ZNF518A: variants seen among roughly 807,000 people sequenced by gnomAD.
ZNF518A encodes zinc finger protein 518A.
In ZNF518A, 47 loss-of-function variants were observed where a neutral mutation model predicts 102.7. The observed-to-expected ratio is 0.46, with a 90% CI of 0.36 to 0.58. The LOEUF is 0.58. Ranked by LOEUF, ZNF518A falls within the 20% of genes least tolerant of loss-of-function variation. ZNF518A has a pLI of 0.00. For missense variants in ZNF518A, 1,793 were observed against 1,699.8 expected, an observed-to-expected ratio of 1.05 and a Z score of -0.96; for synonymous variants, 652 against 594.6, an observed-to-expected ratio of 1.10 and a Z score of -1.40.
chr10:96,167,932 CTGTTT>C (rs2083151838), downstream of ZNF518A, among the ~76,000 whole-genome samples: 1 of 152,198 alleles, frequency 6.6e-6, no homozygotes, highest in African/African-American at 2.4e-5. Context: ...TAAAACAAGT[CTGTTT>C]TATCTGTTTC....
At chr10:96,204,454 A>G, downstream of ZNF518A, 1 of 1,408,648 alleles carries the variant, frequency 7.1e-7, no homozygotes, top group Non-Finnish European at 1.0e-6. Context: ...AGTCAGTGTC[A>G]CTGTGCAGTG....
Position 96,160,119 on chromosome 10 carries a change from C to G in ZNF518A, c.3797C>G (p.Ser1266Cys). The G allele has an allele frequency of 3.7e-6, 6 of 1,610,960 alleles. No individual in the cohort carries two copies. Among genetic ancestry groups the G allele is most frequent in the Non-Finnish European group, 5.1e-6 (6 of 1,179,014 alleles). ...ACAAAAACTCATGGAAGTAAAGACT[C>G]TGAAACTGCCTTTGTATCTAGAAAC... ...SKTKTHGSKD[S>C]ETAFVSRNRN... Residue 1266 changes from serine (S) to cysteine (C), a missense_variant, in exon 6 of 6, where the codon TCT becomes TGT. Around this residue, in one of 3 missense-constraint regions of ZNF518A, gnomAD observed 1,741 missense variants for 1,622.6 expected, o/e 1.07. Transcript: ENST00000316045.
chr10:96,162,021 T>A lies in ZNF518A; in HGVS notation c.*1247T>A, dbSNP rs1554888330. On this transcript the variant is annotated 3_prime_UTR_variant, in exon 6 of 6. Transcript: ENST00000316045. ...CTTGTAAGTTTGGATCAAATTTTGC[T>A]GGTTCTTTGGATAATGGAGTTCTTG... The A allele has an allele frequency of 1.2e-5, 2 of 166,970 alleles. No homozygotes were observed. Among genetic ancestry groups the A allele is most frequent in the African/African-American group, 4.8e-5 (2 of 41,440 alleles). 10.3% of individuals were successfully genotyped at this position (166,970 alleles called of 1,614,324 possible). A position where few individuals can be genotyped will look rare whatever the true frequency, so the allele number is the denominator to read the frequency against.
At chr10:96,137,193 G>A (rs1190747416) in intron 3 of ZNF518A, among the ~76,000 whole-genome samples, 1 of 152,040 alleles carries the variant, frequency 6.6e-6, no homozygotes, top group African/African-American at 2.4e-5. Context: ...TCTTCAGCTC[G>A]TTCACTAGAT....
chr10:96,132,918 AAAAG>A (rs1392282715), intron 2 of ZNF518A: 1 of 152,166 alleles, frequency 6.6e-6, no homozygotes, highest in Admixed American at 6.5e-5. Context: ...CTAAAAAAGA[AAAAG>A]AAAAAAAGAA....
chr10:96,142,532 G>C (rs782762861), intron 3 of ZNF518A, among the ~76,000 whole-genome samples: 3 of 152,122 alleles, frequency 2.0e-5, no homozygotes, highest in Non-Finnish European at 4.4e-5. Context: ...AGACAACTTA[G>C]AGAGCTACAT....
In ZNF518A at chr10:96,196,051, A is replaced by T. The variant is rs193204265; in HGVS notation, n.36-7523A>T. 3.3e-3 allele frequency among the ~76,000 whole-genome samples: 497 copies of T among 152,358 alleles called. 5 individuals are homozygous for T. The highest frequency in any genetic ancestry group is 0.011 in the African/African-American group (458 of 41,588). The stretch of plus-strand genomic sequence containing the variant: ...ACTTCAGCAATCATGACATTTTCCA[A>T]CAATTCAAATATTTTCTAGCAGGTG... On this transcript the variant is annotated intron_variant and non_coding_transcript_variant, in intron 1 of 2. Transcript: ENST00000442635.
At chr10:96,194,802 G>A (rs1216328928) in intron 1 of ZNF518A, among the ~76,000 whole-genome samples, 1 of 123,670 alleles carries the variant, frequency 8.1e-6, no homozygotes, top group African/African-American at 3.1e-5. Flanking sequence ...ACGGAGTCTC[G>A]CTCTGTCGCC....
At chr10:96,137,581 T>C (rs2081667940) in intron 3 of ZNF518A, among the ~76,000 whole-genome samples, 1 of 152,244 alleles carries the variant, frequency 6.6e-6, no homozygotes, top group Non-Finnish European at 1.5e-5. Flanking sequence ...AAACATTTTC[T>C]TCATTTTGCT....
At chr10:96,202,553 C>T (rs587750481) in intron 1 of ZNF518A, among the ~76,000 whole-genome samples, 8 of 152,274 alleles carry the variant, frequency 5.3e-5, no homozygotes, top group Middle Eastern at 3.4e-3. Context: ...TCTGGATAAA[C>T]TAAGTGCTTC....
rs41291606 is a variant in ZNF518A at position 96,160,082 on chromosome 10, A to T, written c.3760A>T (p.Ile1254Phe). The change falls in exon 6 of 6, where the codon ATT (isoleucine) becomes TTT (phenylalanine). Residue 1254 changes from isoleucine (I) to phenylalanine (F), a missense_variant. Around this residue, in one of 3 missense-constraint regions of ZNF518A, gnomAD observed 1,741 missense variants for 1,622.6 expected, o/e 1.07. Coordinates refer to ENST00000316045, the MANE Select transcript of ZNF518A (RefSeq NM_001330736.2). ...NFNRKKTSKK[I>F]FSKTKTHGSK... ...CAATAGAAAAAAGACTTCCAAAAAAATTTTTTCAAAAACAAAAACTCATGG... is the reference window on the plus strand; with the variant it reads ...CAATAGAAAAAAGACTTCCAAAAAATTTTTTTCAAAAACAAAAACTCATGG... The T allele has an allele frequency of 0.069, 110,681 of 1,608,034 alleles. 4,370 individuals are homozygous for T. The highest frequency in any genetic ancestry group is 0.079 in the Non-Finnish European group (92,551 of 1,178,492).
chr10:96,192,740 C>A (rs2083360245), intron 1 of ZNF518A, among the ~76,000 whole-genome samples: 1 of 151,978 alleles, frequency 6.6e-6, no homozygotes, highest in Non-Finnish European at 1.5e-5. Context: ...AAAATTATCA[C>A]AAATTTTGTT....
chr10:96,193,107 G>T (rs192175117), intron 1 of ZNF518A, among the ~76,000 whole-genome samples: 1 of 152,274 alleles, frequency 6.6e-6, no homozygotes, highest in East Asian at 1.9e-4. Flanking sequence ...TAATTGGCTA[G>T]CTGAATATTC....
rs1393209731 is a variant in ZNF518A, at chr10:96,157,627, A to C, written c.1305A>C (p.Ala435=). ...KNVMMKNNKL[A]VSPNYNATFM... is the part of the protein sequence containing the mutation. The stretch of plus-strand genomic sequence containing the variant: ...TAATGATGAAAAATAATAAACTAGC[A>C]GTTTCCCCTAACTATAATGCTACGT... The change falls in exon 6 of 6, where the codon GCA becomes GCC. Residue 435 remains alanine (A), a synonymous_variant. Coordinates refer to ENST00000316045, the MANE Select transcript of ZNF518A (RefSeq NM_001330736.2). 1.2e-6 allele frequency: 2 copies of C among 1,613,886 alleles called. No homozygotes were observed. Among genetic ancestry groups the C allele is most frequent in the African/African-American group, 2.7e-5 (2 of 75,044 alleles).
At chr10:96,185,841 G>T (rs1276852698) in intron 1 of ZNF518A, among the ~76,000 whole-genome samples, 1 of 152,208 alleles carries the variant, frequency 6.6e-6, no homozygotes, top group Non-Finnish European at 1.5e-5. Context: ...AGTCTACAGA[G>T]GCAGGCAGGC....
chr10:96,148,283 A>G (rs1248327612), intron 3 of ZNF518A, among the ~76,000 whole-genome samples: 1 of 152,164 alleles, frequency 6.6e-6, no homozygotes, highest in Admixed American at 6.5e-5. Context: ...TCTACTAAAA[A>G]TACAAAATTA....
chr10:96,159,572 C>T lies in ZNF518A; in HGVS notation c.3250C>T (p.Gln1084Ter), dbSNP rs782586291. Residue 1084 changes from glutamine (Q) to a stop codon, truncating the protein, a stop_gained, in exon 6 of 6, where the codon CAG becomes TAG. Transcript: ENST00000316045. LOFTEE classifies it high-confidence loss of function. ...TKLNISDSVK[Q>*]QNEIFPKPPL... ...GTTGAATATCTCCGATTCAGTAAAA[C>T]AGCAGAATGAGATTTTTCCAAAACC... 6.2e-7 allele frequency: 1 copy of T among 1,613,890 alleles called. No homozygotes were observed. The highest frequency in any genetic ancestry group is 1.7e-5 in the Admixed American group (1 of 60,032).
rs587643394 is a variant in ZNF518A, at chr10:96,177,705, A to G, written n.35+21658A>G. Among the ~76,000 whole-genome samples the G allele has an allele frequency of 5.1e-4, 77 of 152,252 alleles. No individual in the cohort carries two copies. In the South Asian group the frequency reaches 8.5e-3, roughly 17 times the overall value. On this transcript the variant is annotated intron_variant and non_coding_transcript_variant, in intron 1 of 2. Transcript: ENST00000442635. Reference sequence around the variant, plus strand: ...TATTGAAGATAAAATAGATTTTAAAACCTCAAGCCAACAGAAGGCACAAAA... The same window carrying G: ...TATTGAAGATAAAATAGATTTTAAAGCCTCAAGCCAACAGAAGGCACAAAA...
Position 96,135,386 on chromosome 10 carries a change from G to T in ZNF518A, c.-302+1738G>T, listed in dbSNP as rs587719336. On this transcript the variant is annotated intron_variant, in intron 3 of 5. Transcript: ENST00000316045. ...TTTTTGTGTAAATTGGTTTGAATTG[G>T]ATTGCAGCAGAAAGTGTTCTGATGA... is the stretch of plus-strand genomic sequence containing the variant. The T allele has an allele frequency of 2.6e-5, 4 of 152,312 alleles. No homozygotes were observed. In the South Asian group the frequency reaches 6.2e-4, roughly 24 times the overall value. 9.4% of individuals were successfully genotyped at this position (152,312 alleles called of 1,614,324 possible).
Sources: gnomAD v4.1 joint callset for allele counts (sites outside exome capture counted in the v4.1 genomes callset) on GRCh38, gnomAD v4.1.1 for gene constraint, gnomAD v4.1.1 regional missense constraint, MANE v1.5 for transcripts, NCBI Gene and HGNC (gene_info 2026-07-23, HGNC 2026-07-21) for gene names.